The following CHM variants were observed in gnomAD, a reference collection of about 807,000 sequenced individuals.
CHM encodes the protein CHM Rab escort protein, also known as rab proteins geranylgeranyltransferase component A 1.
CHM carries 10 observed loss-of-function variants against 49.0 expected under a neutral mutation model. That is an observed-to-expected ratio of 0.20 (90% CI 0.13 to 0.35). CHM has a LOEUF of 0.35. Ranked by LOEUF, CHM falls within the 10% of genes least tolerant of loss-of-function variation. The probability of loss-of-function intolerance (pLI) is 1.00; values close to 1 mark genes in which losing one functional copy is unlikely to be tolerated. For missense variants in CHM, 455 were observed against 478.4 expected, an observed-to-expected ratio of 0.95 and a Z score of 0.46; for synonymous variants, 184 against 167.5, an observed-to-expected ratio of 1.10 and a Z score of -0.76.
intron 14 of CHM, among the ~76,000 whole-genome samples, chrX:85,867,471 G>T (rs946897582): frequency 1.8e-5 from 2 of 112,203 alleles, no homozygotes; most frequent in Non-Finnish European, 3.8e-5. Context: ...GCCCACATGT[G>T]ATACTGGTAT....
intron 14 of CHM, among the ~76,000 whole-genome samples, chrX:85,871,205 G>A (rs1035864586): frequency 9.9e-6 from 1 of 101,349 alleles, no homozygotes; most frequent in Non-Finnish European, 2.0e-5. Flanking sequence ...TACCTGGGAG[G>A]CTGAGGCAGG....
rs770637688 is a variant in CHM at position 86,009,468 on chromosome X, T to G, written c.116+18023A>C. Among the ~76,000 whole-genome samples the G allele has an allele frequency of 2.7e-5, 3 of 112,250 alleles. No individual in the cohort carries two copies. In the South Asian group the frequency reaches 1.1e-3, roughly 42 times the overall value. Reference sequence around the variant, plus strand: ...TTTCCTTCAAAGCAGCTCTCATGGCTTAAGGGAAAGCTTATGCTAGGGGAA... The same window carrying G: ...TTTCCTTCAAAGCAGCTCTCATGGCGTAAGGGAAAGCTTATGCTAGGGGAA... On this transcript the variant is annotated intron_variant, in intron 2 of 14. Coordinates refer to ENST00000357749, the MANE Select transcript of CHM (RefSeq NM_000390.4).
chrX:85,948,263 T>C (rs750721980), intron 8 of CHM, among the ~76,000 whole-genome samples: 4 of 112,198 alleles, frequency 3.6e-5, no homozygotes, highest in Admixed American at 9.5e-5. Flanking sequence ...TTGGAAAATA[T>C]ATTGTGAGCG....
chrX:85,996,852 T>C (rs1274875093), intron 2 of CHM, among the ~76,000 whole-genome samples: 1 of 111,706 alleles, frequency 9.0e-6, no homozygotes, highest in Non-Finnish European at 1.9e-5. Context: ...TTCCTCTATC[T>C]ACCCAGACTC....
chrX:85,914,855 C>T (rs1927354044), intron 8 of CHM, among the ~76,000 whole-genome samples: 4 of 110,837 alleles, frequency 3.6e-5, no homozygotes, highest in Admixed American at 2.9e-4. Flanking sequence ...TCCAGCACAG[C>T]AGGTGCTTGA....
Position 85,889,520 on chromosome X carries a change from C to T in CHM, c.1510+4668G>A, listed in dbSNP as rs750691105. ...CAAAGAGACACCATCTCACCCCAGT[C>T]AGAACGGCTATTATTAAAAATGCAA... On this transcript the variant is annotated intron_variant, in intron 12 of 14. Transcript: ENST00000357749. Among the ~76,000 whole-genome samples, 3 of 111,823 alleles carry T rather than the reference C, an allele frequency of 2.7e-5. No individual in the cohort carries two copies. In the East Asian group the frequency reaches 8.4e-4, roughly 31 times the overall value.
intron 13 of CHM, among the ~76,000 whole-genome samples, chrX:85,874,073 T>C (rs571603327): frequency 4.5e-5 from 5 of 111,465 alleles, no homozygotes; most frequent in African/African-American, 1.6e-4. Context: ...GGTTCCCTAA[T>C]ATAGGGCCTA....
chrX:85,914,121 T>G (rs1569411554), intron 8 of CHM, among the ~76,000 whole-genome samples: 1 of 111,077 alleles, frequency 9.0e-6, no homozygotes, highest in Non-Finnish European at 1.9e-5. Flanking sequence ...CCCATGGACA[T>G]TTGAGATGGC....
intron 2 of CHM, among the ~76,000 whole-genome samples, chrX:86,010,559 TAAAA>T (rs961402661): frequency 1.5e-4 from 17 of 110,662 alleles, no homozygotes; most frequent in African/African-American, 4.6e-4. Flanking sequence ...CTTAGACCAA[TAAAA>T]ACTTTAATGT....
chrX:85,981,830 A>AG, intron 2 of CHM, 21 bp from the exon 3 acceptor site: 1 of 1,088,434 alleles, frequency 9.2e-7, no homozygotes, highest in Non-Finnish European at 1.2e-6. Flanking sequence ...TAAAAAAAAA[A>AG]AAAAAAGTAA....
intron 8 of CHM, among the ~76,000 whole-genome samples, chrX:85,920,280 T>G (rs1003199693): frequency 1.8e-5 from 2 of 109,847 alleles, no homozygotes; most frequent in East Asian, 5.7e-4. Flanking sequence ...TATTTTTTAG[T>G]AGAGACGGGG....
Position 85,973,070 on chromosome X carries a change from A to C in CHM, c.314+5697T>G, listed in dbSNP as rs1310755170. On this transcript the variant is annotated intron_variant, in intron 4 of 14. Transcript: ENST00000357749. Reference sequence around the variant, plus strand: ...AATCCCAGCACTTTGGGAGGCCAAGACGTGCAGATCATGAGGTCAAGAGAT... The same window carrying C: ...AATCCCAGCACTTTGGGAGGCCAAGCCGTGCAGATCATGAGGTCAAGAGAT... Among the ~76,000 whole-genome samples the C allele has an allele frequency of 5.4e-5, 6 of 110,248 alleles. No individual in the cohort carries two copies. The East Asian group carries it at 1.7e-3, about 32-fold the overall frequency.
At chrX:86,000,247 A>C (rs1932632820) in intron 2 of CHM, among the ~76,000 whole-genome samples, 1 of 96,390 alleles carries the variant, frequency 1.0e-5, no homozygotes, top group Non-Finnish European at 2.0e-5. Flanking sequence ...TCTACTAGCT[A>C]CCTAACTAAG....
intron 8 of CHM, among the ~76,000 whole-genome samples, chrX:85,926,587 GA>G (rs1166788168): frequency 1.5e-4 from 17 of 110,179 alleles, no homozygotes; most frequent in Non-Finnish European, 2.9e-4. Flanking sequence ...GAAAAAAAAA[GA>G]AAAAAACTAT....
intron 3 of CHM, among the ~76,000 whole-genome samples, chrX:85,979,739 A>G (rs929266202): frequency 3.6e-5 from 4 of 112,265 alleles, no homozygotes; most frequent in African/African-American, 9.7e-5. Context: ...TAGAATTACA[A>G]TATCTTTTAA....
At chrX:86,041,066 T>C (rs1304967092) in intron 1 of CHM, among the ~76,000 whole-genome samples, 2 of 112,240 alleles carry the variant, frequency 1.8e-5, no homozygotes, top group Non-Finnish European at 1.9e-5. Flanking sequence ...ATTGGGATTT[T>C]ATGTTAAACA....
intron 2 of CHM, among the ~76,000 whole-genome samples, chrX:85,988,043 G>A (rs1324158006): frequency 3.6e-5 from 4 of 111,628 alleles, no homozygotes; most frequent in African/African-American, 1.3e-4. Flanking sequence ...ACCTCGCAGG[G>A]ATATAACAGA....
intron 8 of CHM, among the ~76,000 whole-genome samples, chrX:85,917,905 T>C (rs1249393047): frequency 9.0e-6 from 1 of 110,996 alleles, no homozygotes; most frequent in African/African-American, 3.3e-5. Context: ...CTGAGAAATA[T>C]GGGACTACAT....
At chrX:86,008,530 T>A (rs1021634836) in intron 2 of CHM, among the ~76,000 whole-genome samples, 1 of 112,182 alleles carries the variant, frequency 8.9e-6, no homozygotes, top group Non-Finnish European at 1.9e-5. Flanking sequence ...ACTTTAAAAG[T>A]AGTATTTTAA....
Sources: gnomAD v4.1 joint callset for allele counts (sites outside exome capture counted in the v4.1 genomes callset) on GRCh38, gnomAD v4.1.1 for gene constraint, MANE v1.5 for transcripts, NCBI Gene and HGNC (gene_info 2026-07-23, HGNC 2026-07-21) for gene names.